The following MAP2K2 variants were observed in gnomAD, a reference collection of about 807,000 sequenced individuals.
MAP2K2 encodes the protein dual specificity mitogen-activated protein kinase kinase 2.
A neutral mutation model predicts 43.7 loss-of-function variants in MAP2K2; 24 were observed. That is an observed-to-expected ratio of 0.55 (90% CI 0.40 to 0.77). The LOEUF (loss-of-function observed/expected upper bound fraction) is 0.77. MAP2K2 is among the 30% of genes least tolerant of loss of function. MAP2K2 has a pLI of 0.00. For missense variants in MAP2K2, 470 were observed against 566.8 expected, an observed-to-expected ratio of 0.83 and a Z score of 1.73; for synonymous variants, 244 against 239.7, an observed-to-expected ratio of 1.02 and a Z score of -0.17.
intron 3 of MAP2K2, chr19:4,102,707 G>T: frequency 1.7e-6 from 2 of 1,194,014 alleles, no homozygotes; most frequent in Non-Finnish European, 2.3e-6. Flanking sequence ...CGAATCAGTT[G>T]CGTGACTCGG....
chr19:4,094,541 C>T (rs1212986837), intron 9 of MAP2K2, 43 bp from the exon 10 acceptor site: 2 of 1,551,624 alleles, frequency 1.3e-6, no homozygotes, highest in South Asian at 1.2e-5. Context: ...GTGGAGGAGA[C>T]AAGACAGGGC....
At chr19:4,099,101 T>G in intron 7 of MAP2K2, 100 bp downstream of exon 7, 1 of 991,874 alleles carries the variant, frequency 1.0e-6, no homozygotes, top group Non-Finnish European at 1.5e-6. Flanking sequence ...GGACAGGTGG[T>G]GCGCCAGGGG....
intron 2 of MAP2K2, among the ~76,000 whole-genome samples, chr19:4,114,913 G>A (rs977134994): frequency 6.6e-6 from 1 of 152,132 alleles, no homozygotes; most frequent in Admixed American, 6.6e-5. Context: ...CTGGGTGACA[G>A]AGCGAGACTC....
intron 2 of MAP2K2, among the ~76,000 whole-genome samples, chr19:4,114,931 A>G (rs1231181595): frequency 6.6e-6 from 1 of 152,188 alleles, no homozygotes; most frequent in Non-Finnish European, 1.5e-5. Context: ...CTCTGTCTCA[A>G]AAAAATAAAT....
chr19:4,113,094 G>A (rs2041176467), intron 2 of MAP2K2, among the ~76,000 whole-genome samples: 1 of 152,200 alleles, frequency 6.6e-6, no homozygotes, highest in South Asian at 2.1e-4. Context: ...ACAGATGGGT[G>A]ACAAGAAGCA....
In MAP2K2 at chr19:4,090,728, G is replaced by A. The variant is rs537700521; in HGVS notation, c.1093-20C>T. The A allele has an allele frequency of 2.0e-6, 3 of 1,508,592 alleles. No homozygotes were observed. The highest frequency in any genetic ancestry group is 2.4e-5 in the South Asian group (2 of 83,242). 93.5% of individuals were successfully genotyped at this position (1,508,592 alleles called of 1,614,324 possible). A position where few individuals can be genotyped will look rare whatever the true frequency, so the allele number is the denominator to read the frequency against. On this transcript the variant is annotated intron_variant, in intron 10 of 10. Coordinates refer to ENST00000262948, the MANE Select transcript of MAP2K2 (RefSeq NM_030662.4). ...GTGGTTCTGCAAGGAAAGGGGAGCC[G>A]TGAGCACCCGGGCCTGGAGTCACAG...
At chr19:4,100,982 G>A (rs1275097769) in intron 6 of MAP2K2, 37 bp downstream of exon 6, 1 of 1,551,152 alleles carries the variant, frequency 6.4e-7, no homozygotes, top group South Asian at 1.2e-5. Flanking sequence ...AGAGCAGCAG[G>A]GAGGAGAGCT....
intron 7 of MAP2K2, 130 bp downstream of exon 7, chr19:4,099,069 CCA>C: frequency 1.3e-6 from 1 of 770,920 alleles, no homozygotes; most frequent in Non-Finnish European, 2.1e-6. Flanking sequence ...GGACTGCTGA[CCA>C]CAGTCGGCAC....
Position 4,115,136 on chromosome 19 carries a change from GTGCGCCCTTTCCCCGCCTCCCCCA to G in MAP2K2, c.303+2259_303+2282del. Among the ~76,000 whole-genome samples the G allele has an allele frequency of 6.6e-6, 1 of 151,980 alleles. No homozygotes were observed. The highest frequency in any genetic ancestry group is 1.5e-5 in the Non-Finnish European group (1 of 67,996). On this transcript the variant is annotated intron_variant, in intron 2 of 10. Coordinates refer to ENST00000262948, the MANE Select transcript of MAP2K2 (RefSeq NM_030662.4). The surrounding 1 kb of genome is among the most constrained non-coding windows in gnomAD (Gnocchi z 4.1). ...TTGCAAAAATAGTAACGAGAGTCCCGTGCGCCCTTTCCCCGCCTCCCCCAAGATGACTGACATCTTACATGACGG... is the reference window on the plus strand; with the variant it reads ...TTGCAAAAATAGTAACGAGAGTCCCGAGATGACTGACATCTTACATGACGG...
At chr19:4,091,445 C>A (rs557578321) in intron 10 of MAP2K2, among the ~76,000 whole-genome samples, 1 of 152,058 alleles carries the variant, frequency 6.6e-6, no homozygotes, top group Non-Finnish European at 1.5e-5. Context: ...CTCCGCCTCC[C>A]GGGTTCAAGC....
At position 4,102,960 on chromosome 19, in the gene MAP2K2, G is replaced by A. The variant is rs372000487; in HGVS notation, c.451-507C>T. 488 of 1,104,514 alleles carry A rather than the reference G, an allele frequency of 4.4e-4. 3 individuals carry two copies. Among genetic ancestry groups the A allele is most frequent in the Middle Eastern group, 1.7e-3 (4 of 2,326 alleles). The allele number at this position is 1,104,514 out of a possible 1,614,324, so 68.4% of individuals were successfully genotyped here. A position where few individuals can be genotyped will look rare whatever the true frequency, so the allele number is the denominator to read the frequency against. On this transcript the variant is annotated intron_variant, in intron 3 of 10. Coordinates refer to ENST00000262948, the MANE Select transcript of MAP2K2 (RefSeq NM_030662.4). ...GGTGCTGCCCCGCGTGGGAGGAGGC[G>A]GCGGGTCGCTGTGTGCCCGTCCAGA...
At chr19:4,097,373 G>A in intron 7 of MAP2K2, 30 bp from the exon 8 acceptor site, 2 of 1,571,848 alleles carry the variant, frequency 1.3e-6, no homozygotes, top group Non-Finnish European at 1.8e-6. Flanking sequence ...GAGGTGAGAT[G>A]GGCCGATGGC....
intron 3 of MAP2K2, among the ~76,000 whole-genome samples, chr19:4,106,670 T>G (rs763464692): frequency 7.2e-5 from 11 of 152,202 alleles, no homozygotes; most frequent in Admixed American, 1.3e-4. Flanking sequence ...CCTCCCAAAG[T>G]GCTAGGATTA....
In MAP2K2 at chr19:4,102,139, A is replaced by G. The variant is rs8100110; in HGVS notation, c.528+237T>C. On this transcript the variant is annotated intron_variant, in intron 4 of 10. Coordinates refer to ENST00000262948, the MANE Select transcript of MAP2K2 (RefSeq NM_030662.4). The stretch of plus-strand genomic sequence containing the variant: ...GGGACCAGTGTGGCAAACAGAGGAT[A>G]CTAAGAGTGAAGAGGGACCTATAAC... 0.05 allele frequency among the ~76,000 whole-genome samples: 7,587 copies of G among 152,226 alleles called. 643 individuals are homozygous for G. Among genetic ancestry groups the G allele is most frequent in the African/African-American group, 0.17 (7,195 of 41,528 alleles).
rs10417670 is a variant in MAP2K2, at chr19:4,103,175, T to C, written c.451-722A>G. ...AACCTCGGCCCCTCCCCACAGCCTG[T>C]GGTCTCCTCGCCACTGTGCCGGGCA... is the stretch of plus-strand genomic sequence containing the variant. On this transcript the variant is annotated intron_variant, in intron 3 of 10. Transcript: ENST00000262948. 10,382 of 991,078 alleles carry C rather than the reference T, an allele frequency of 0.01. 873 individuals are homozygous for C. In the African/African-American group the frequency reaches 0.17, roughly 16 times the overall value. 61.4% of individuals were successfully genotyped at this position (991,078 alleles called of 1,614,324 possible).
At chr19:4,095,976 G>C (rs2040912140) in intron 8 of MAP2K2, among the ~76,000 whole-genome samples, 1 of 152,154 alleles carries the variant, frequency 6.6e-6, no homozygotes, top group African/African-American at 2.4e-5. Context: ...TATTTCACCA[G>C]GTTGGCCAGG....
intron 3 of MAP2K2, among the ~76,000 whole-genome samples, chr19:4,107,211 CAT>C (rs1239957892): frequency 4.6e-5 from 7 of 151,148 alleles, no homozygotes; most frequent in Non-Finnish European, 7.4e-5. Context: ...GCCTGGGAAA[CAT>C]AGTGCCATCC....
At chr19:4,090,852 C>G (rs2040848294) in intron 10 of MAP2K2, 144 bp from the exon 11 acceptor site, 3 of 714,112 alleles carry the variant, frequency 4.2e-6, no homozygotes, top group Non-Finnish European at 5.2e-6. Flanking sequence ...GGAAGACGCA[C>G]TCGGGGTAGG....
In MAP2K2 at chr19:4,113,333, A is replaced by G. The variant is rs1358438565; in HGVS notation, c.304-2678T>C. ...GTGATCTCAGTTTTAATGGTTCTGTAATACCTGGGGCCTGTCGAGCGAGCA... is the reference window on the plus strand; with the variant it reads ...GTGATCTCAGTTTTAATGGTTCTGTGATACCTGGGGCCTGTCGAGCGAGCA... On this transcript the variant is annotated intron_variant, in intron 2 of 10. Transcript: ENST00000262948. 5.3e-5 allele frequency among the ~76,000 whole-genome samples: 8 copies of G among 152,282 alleles called. No homozygotes were observed. In the East Asian group the frequency reaches 1.5e-3, roughly 29 times the overall value.
Sources: gnomAD v4.1 joint callset for allele counts (sites outside exome capture counted in the v4.1 genomes callset) on GRCh38, gnomAD v4.1.1 for gene constraint, Gnocchi (gnomAD v3.1) non-coding constraint, MANE v1.5 for transcripts, NCBI Gene and HGNC (gene_info 2026-07-23, HGNC 2026-07-21) for gene names.